DPYD: variants seen among roughly 807,000 people sequenced by gnomAD.
DPYD encodes dihydropyrimidine dehydrogenase [NADP(+)].
DPYD carries 109 observed loss-of-function variants against 116.2 expected under a neutral mutation model. The ratio of observed to expected loss-of-function variants is 0.94; its 90% CI spans 0.80 to 1.10. The LOEUF is 1.10. Ranked by LOEUF, DPYD falls within the 50% of genes least tolerant of loss-of-function variation. DPYD has a pLI of 0.00. For missense variants in DPYD, 1,302 were observed against 1,254.5 expected, an observed-to-expected ratio of 1.04 and a Z score of -0.57; for synonymous variants, 440 against 432.0, an observed-to-expected ratio of 1.02 and a Z score of -0.23.
intron 1 of DPYD, among the ~76,000 whole-genome samples, chr1:97,904,390 T>C (rs1343639584): frequency 1.3e-5 from 2 of 151,886 alleles, no homozygotes; most frequent in Non-Finnish European, 2.9e-5. Flanking sequence ...TCCCAAAATA[T>C]GAAGGGTTAT....
intron 16 of DPYD, among the ~76,000 whole-genome samples, chr1:97,335,010 T>C (rs564602198): frequency 4.6e-5 from 7 of 151,838 alleles, no homozygotes; most frequent in African/African-American, 9.7e-5. Flanking sequence ...ACCCAAAGAG[T>C]AGGTTTTTAA....
intron 10 of DPYD, among the ~76,000 whole-genome samples, chr1:97,576,160 G>A (rs1023492149): frequency 1.3e-5 from 2 of 152,040 alleles, no homozygotes; most frequent in Admixed American, 1.3e-4. Flanking sequence ...TATCGCTTTT[G>A]TCATATTTGT....
rs1570744108 is a variant in DPYD, at chr1:97,242,613, T to C, written c.2300-7619A>G. On this transcript the variant is annotated intron_variant, in intron 18 of 22. Transcript: ENST00000370192. The stretch of plus-strand genomic sequence containing the variant: ...ATACTTTTTATTGTTGGATTCTTTT[T>C]GATAAAATGGTGTTATAATTTACTT... 2.0e-5 allele frequency among the ~76,000 whole-genome samples: 3 copies of C among 151,788 alleles called. No homozygotes were observed. In the Admixed American group the frequency reaches 2.0e-4, roughly 10 times the overall value.
At chr1:97,174,164 C>A (rs1458621305) in intron 20 of DPYD, among the ~76,000 whole-genome samples, 3 of 152,038 alleles carry the variant, frequency 2.0e-5, no homozygotes, top group East Asian at 1.9e-4. Flanking sequence ...GCAAAAGAGT[C>A]CAGCCCTGCA....
chr1:97,776,409 T>C (rs1666409956), intron 3 of DPYD, among the ~76,000 whole-genome samples: 1 of 152,156 alleles, frequency 6.6e-6, no homozygotes, highest in African/African-American at 2.4e-5. Context: ...AGGTTAATAT[T>C]TTTCAGTATG....
chr1:97,771,200 G>C (rs11165908), intron 3 of DPYD, among the ~76,000 whole-genome samples: 2 of 152,020 alleles, frequency 1.3e-5, no homozygotes, highest in African/African-American at 4.8e-5. Flanking sequence ...CATGCGCCAG[G>C]GGGTAGTGGA....
intron 8 of DPYD, among the ~76,000 whole-genome samples, chr1:97,608,158 A>G (rs1351100853): frequency 6.6e-6 from 1 of 151,928 alleles, no homozygotes; most frequent in East Asian, 1.9e-4. Context: ...CCCAGGAATC[A>G]GTACAATGGA....
chr1:97,528,300 CT>C (rs1213934313), intron 12 of DPYD, among the ~76,000 whole-genome samples: 2 of 152,084 alleles, frequency 1.3e-5, no homozygotes, highest in Non-Finnish European at 2.9e-5. Flanking sequence ...GATATAAAAT[CT>C]TTTCTGATTT....
chr1:97,361,065 A>G (rs1670697850), intron 16 of DPYD, among the ~76,000 whole-genome samples: 1 of 152,002 alleles, frequency 6.6e-6, no homozygotes. Flanking sequence ...TAGCAAGACT[A>G]ATAAAGAAGA....
At chr1:97,368,119 G>A (rs1171764927) in intron 16 of DPYD, among the ~76,000 whole-genome samples, 1 of 152,030 alleles carries the variant, frequency 6.6e-6, no homozygotes, top group Non-Finnish European at 1.5e-5. Flanking sequence ...ATGCAAAAAG[G>A]TATAGTAGGG....
chr1:97,300,492 AAC>A (rs1314758746), intron 18 of DPYD, among the ~76,000 whole-genome samples: 1 of 152,100 alleles, frequency 6.6e-6, no homozygotes, highest in East Asian at 1.9e-4. Flanking sequence ...AAAAAATACT[AAC>A]ACTGTTTTTT....
chr1:97,406,349 A>G (rs1673657400), intron 14 of DPYD, among the ~76,000 whole-genome samples: 1 of 149,364 alleles, frequency 6.7e-6, no homozygotes, highest in African/African-American at 2.4e-5. Flanking sequence ...TATAGAATAA[A>G]ACCTATTTTA....
intron 3 of DPYD, among the ~76,000 whole-genome samples, chr1:97,800,544 T>C (rs560675851): frequency 1.8e-4 from 28 of 152,058 alleles, no homozygotes; most frequent in Admixed American, 1.6e-3. Flanking sequence ...GAATAACTCA[T>C]TAAAACTTTC....
chr1:97,355,637 T>C (rs1367408710), intron 16 of DPYD, among the ~76,000 whole-genome samples: 2 of 152,168 alleles, frequency 1.3e-5, no homozygotes, highest in Admixed American at 6.6e-5. Flanking sequence ...TAGTTTTAGA[T>C]TGTTTCATTG....
chr1:97,882,189 C>G (rs534179957), intron 2 of DPYD, among the ~76,000 whole-genome samples: 189 of 151,990 alleles, frequency 1.2e-3, no homozygotes, highest in African/African-American at 4.4e-3. Context: ...TGATAGAAAA[C>G]AAAGCTCCCA....
chr1:97,238,806 A>G (rs574823767), intron 18 of DPYD, among the ~76,000 whole-genome samples: 2 of 152,316 alleles, frequency 1.3e-5, no homozygotes, highest in South Asian at 4.1e-4. Context: ...GAAATCCTAT[A>G]CACTTAATTG....
At chr1:97,343,209 C>T (rs532900483) in intron 16 of DPYD, among the ~76,000 whole-genome samples, 15 of 152,218 alleles carry the variant, frequency 9.9e-5, no homozygotes, top group Admixed American at 8.5e-4. Flanking sequence ...CTACCATTTA[C>T]AGCTATTGAT....
intron 4 of DPYD, among the ~76,000 whole-genome samples, chr1:97,723,785 T>C (rs1268445443): frequency 6.6e-6 from 1 of 151,488 alleles, no homozygotes; most frequent in Non-Finnish European, 1.5e-5. Flanking sequence ...CAGAAATATC[T>C]TACACACAGA....
intron 11 of DPYD, among the ~76,000 whole-genome samples, chr1:97,554,723 G>A (rs1229774678): frequency 6.6e-6 from 1 of 152,080 alleles, no homozygotes; most frequent in Non-Finnish European, 1.5e-5. Context: ...AGAATATCAA[G>A]TCTGGATGGC....
Sources: allele counts gnomAD v4.1 joint callset (sites outside exome capture counted in the v4.1 genomes callset), GRCh38; gene constraint gnomAD v4.1.1; transcripts MANE v1.5; gene names NCBI Gene and HGNC (gene_info 2026-07-23, HGNC 2026-07-21).